Variants in ZNF423 observed in about 807,000 individuals in gnomAD.
ZNF423 encodes the protein Ebf-associated zinc finger protein.
A neutral mutation model predicts 95.8 loss-of-function variants in ZNF423; 12 were observed. The ratio of observed to expected loss-of-function variants is 0.13; its 90% confidence interval spans 0.08 to 0.20. ZNF423 has a LOEUF of 0.20. Ranked by LOEUF, ZNF423 falls within the 10% of genes least tolerant of loss-of-function variation. The probability of loss-of-function intolerance (pLI) is 1.00; values close to 1 mark genes in which losing one functional copy is unlikely to be tolerated. For missense variants in ZNF423, 1,316 were observed against 1,737.1 expected (o/e 0.76, Z 4.31); for synonymous variants, 749 against 711.9 (o/e 1.05, Z -0.83).
At chr16:49,536,330 CT>C (rs1681576004) in intron 5 of ZNF423, among the ~76,000 whole-genome samples, 1 of 151,936 alleles carries the variant, frequency 6.6e-6, no homozygotes, top group Non-Finnish European at 1.5e-5. Context: ...AACAATGAGA[CT>C]AGAAAATAAT....
At chr16:49,754,803 A>G (rs1406420176) in intron 2 of ZNF423, among the ~76,000 whole-genome samples, 1 of 152,210 alleles carries the variant, frequency 6.6e-6, no homozygotes, top group Non-Finnish European at 1.5e-5. Context: ...AAGGAAAGAA[A>G]AAACTTTTTT....
intron 5 of ZNF423, among the ~76,000 whole-genome samples, chr16:49,550,605 G>T (rs1302193873): frequency 6.6e-6 from 1 of 152,268 alleles, no homozygotes; most frequent in African/African-American, 2.4e-5. Flanking sequence ...CCAACCCTAA[G>T]CCTTTCCTGG....
chr16:49,608,767 G>A (rs911449171), intron 5 of ZNF423, among the ~76,000 whole-genome samples: 3 of 152,170 alleles, frequency 2.0e-5, no homozygotes, highest in Admixed American at 1.3e-4. Context: ...AACAGAAAAC[G>A]TTTAGACAAT....
At chr16:49,626,017 A>G (rs1972251185) in intron 5 of ZNF423, among the ~76,000 whole-genome samples, 153 bp downstream of exon 5, 1 of 152,200 alleles carries the variant, frequency 6.6e-6, no homozygotes, top group Non-Finnish European at 1.5e-5. Flanking sequence ...AAGGGCCCCC[A>G]TTCTGACATT....
At chr16:49,833,087 C>T (rs1172748975) in intron 1 of ZNF423, among the ~76,000 whole-genome samples, 1 of 152,238 alleles carries the variant, frequency 6.6e-6, no homozygotes, top group East Asian at 1.9e-4. Flanking sequence ...CCCTCCTCCT[C>T]GCCCAGCCTT....
chr16:49,846,671 T>G (rs2035249665), intron 1 of ZNF423, among the ~76,000 whole-genome samples: 2 of 152,122 alleles, frequency 1.3e-5, no homozygotes. Context: ...CTGCCTCCTC[T>G]TTCCATCTCC....
intron 7 of ZNF423, among the ~76,000 whole-genome samples, chr16:49,495,416 A>G (rs1325441740): frequency 6.6e-6 from 1 of 152,182 alleles, no homozygotes; most frequent in Non-Finnish European, 1.5e-5. Context: ...GAGACCCACA[A>G]AAAGAGCCCT....
intron 2 of ZNF423, among the ~76,000 whole-genome samples, chr16:49,755,884 T>C (rs2033717110): frequency 6.6e-6 from 1 of 152,174 alleles, no homozygotes. Context: ...GTTGCCGGAA[T>C]GCCTGCCACC....
intron 1 of ZNF423, among the ~76,000 whole-genome samples, chr16:49,835,424 G>A (rs1035314933): frequency 1.2e-4 from 19 of 152,206 alleles, no homozygotes; most frequent in Non-Finnish European, 1.5e-4. Context: ...CCGCAGAGGC[G>A]TTCCTGGGGG....
chr16:49,675,994 A>G (rs2031031242), intron 3 of ZNF423, among the ~76,000 whole-genome samples: 1 of 152,214 alleles, frequency 6.6e-6, no homozygotes, highest in Non-Finnish European at 1.5e-5. Flanking sequence ...TCACACAGGC[A>G]TGCACACACC....
chr16:49,857,553 T>C (rs749464344), upstream of ZNF423, among the ~76,000 whole-genome samples: 8 of 152,170 alleles, frequency 5.3e-5, no homozygotes, highest in Non-Finnish European at 1.2e-4. This position sits in a 1 kb window ranked among gnomAD's most constrained non-coding sequence, Gnocchi z 6.2. Context: ...GCACATGAAC[T>C]ATCCAGGGAC....
At chr16:49,516,866 G>A (rs1465683230) in intron 7 of ZNF423, among the ~76,000 whole-genome samples, 2 of 152,172 alleles carry the variant, frequency 1.3e-5, no homozygotes, top group African/African-American at 2.4e-5. Context: ...TTGCCTGAGG[G>A]CTGGCTGCCA....
chr16:49,734,712 C>T (rs546681634), intron 2 of ZNF423, among the ~76,000 whole-genome samples: 36 of 152,322 alleles, frequency 2.4e-4, no homozygotes, highest in African/African-American at 8.4e-4. Context: ...GTGCTGTGAA[C>T]GCCGACCTGT....
intron 3 of ZNF423, among the ~76,000 whole-genome samples, chr16:49,665,203 C>A (rs549399292): frequency 1.3e-5 from 2 of 152,218 alleles, no homozygotes; most frequent in Non-Finnish European, 1.5e-5. Context: ...TGGTGGGTAG[C>A]GGCATTCAGT....
chr16:49,583,067 A>G (rs1435971190), intron 5 of ZNF423, among the ~76,000 whole-genome samples: 2 of 152,202 alleles, frequency 1.3e-5, no homozygotes, highest in African/African-American at 4.8e-5. Flanking sequence ...CCTGGCTGGT[A>G]AACAGAAGGA....
intron 1 of ZNF423, among the ~76,000 whole-genome samples, chr16:49,808,823 C>T (rs1443726001): frequency 6.6e-6 from 1 of 152,210 alleles, no homozygotes; most frequent in Non-Finnish European, 1.5e-5. Flanking sequence ...CCACCTGCCC[C>T]CATGGCCCAG....
chr16:49,682,393 G>A (rs2031400407), intron 3 of ZNF423, among the ~76,000 whole-genome samples: 1 of 152,242 alleles, frequency 6.6e-6, no homozygotes, highest in African/African-American at 2.4e-5. Context: ...AAAGGAGGGT[G>A]GGTGCAGAAG....
At chr16:49,754,283 G>A (rs540728478) in intron 2 of ZNF423, among the ~76,000 whole-genome samples, 3 of 152,256 alleles carry the variant, frequency 2.0e-5, no homozygotes, top group African/African-American at 4.8e-5. Flanking sequence ...TCTGGCGTAA[G>A]CTCCAAGAGG....
chr16:49,841,623 C>A (rs541906952), intron 1 of ZNF423, among the ~76,000 whole-genome samples: 1 of 152,176 alleles, frequency 6.6e-6, no homozygotes, highest in Non-Finnish European at 1.5e-5. Context: ...ATTCCCCTAC[C>A]AAAGGGAATC....
Sources: allele counts gnomAD v4.1 joint callset (sites outside exome capture counted in the v4.1 genomes callset), GRCh38; gene constraint gnomAD v4.1.1; non-coding constraint Gnocchi (gnomAD v3.1); transcripts MANE v1.5; gene names NCBI Gene and HGNC (gene_info 2026-07-23, HGNC 2026-07-21).